Variants in RICTOR observed in about 807,000 individuals in gnomAD.
RICTOR encodes rapamycin-insensitive companion of mTOR.
Under a neutral mutation model 214.9 loss-of-function variants are expected in RICTOR, and 49 were observed. The observed-to-expected ratio is 0.23, with a 90% CI of 0.18 to 0.29. The LOEUF is 0.29. RICTOR is among the 10% of genes least tolerant of loss of function. RICTOR has a pLI of 1.00. For synonymous variants in RICTOR, 717 were observed against 711.3 expected (o/e 1.01, Z -0.13); for missense variants, 1,625 against 2,047.0 (o/e 0.79, Z 3.98).
intron 2 of RICTOR, among the ~76,000 whole-genome samples, chr5:39,053,338 C>T (rs1325351240): frequency 1.3e-5 from 2 of 152,160 alleles, no homozygotes. Flanking sequence ...ACTCTAGTGT[C>T]GGCCCTAGTG....
chr5:39,057,508 C>A (rs1298244269), intron 2 of RICTOR, among the ~76,000 whole-genome samples: 1 of 152,006 alleles, frequency 6.6e-6, no homozygotes, highest in Non-Finnish European at 1.5e-5. Flanking sequence ...CAGCTTTATT[C>A]TAAGGAAAGT....
At position 39,053,614 on chromosome 5, in the gene RICTOR, C is replaced by T. The variant is rs557535382; in HGVS notation, c.97+20497G>A. On this transcript the variant is annotated intron_variant, in intron 2 of 37. Transcript: ENST00000357387. ...AGAATTAGAAAGCAAGAATAAGGGT[C>T]GGGCGCGGTGGCTCACGCCTGTAAT... 4.9e-4 allele frequency among the ~76,000 whole-genome samples: 75 copies of T among 152,276 alleles called. 2 individuals carry two copies. The highest frequency in any genetic ancestry group is 3.5e-4 in the Non-Finnish European group (24 of 68,016).
chr5:39,057,847 A>G (rs1228270829), intron 2 of RICTOR, among the ~76,000 whole-genome samples: 1 of 152,142 alleles, frequency 6.6e-6, no homozygotes, highest in African/African-American at 2.4e-5. Context: ...AAAATTTAAT[A>G]CACTTCAAGT....
intron 2 of RICTOR, among the ~76,000 whole-genome samples, chr5:39,044,506 CAA>C (rs1308313950): frequency 6.6e-6 from 1 of 151,956 alleles, no homozygotes; most frequent in East Asian, 1.9e-4. Flanking sequence ...TGGACATACA[CAA>C]AAGAGGGAAT....
chr5:39,068,974 A>C (rs987179134), intron 2 of RICTOR, among the ~76,000 whole-genome samples: 1 of 152,236 alleles, frequency 6.6e-6, no homozygotes, highest in African/African-American at 2.4e-5. Context: ...TAGCCCTTTA[A>C]AATTTCAAAG....
chr5:39,032,118 A>G (rs1450803058), intron 2 of RICTOR, among the ~76,000 whole-genome samples: 1 of 152,202 alleles, frequency 6.6e-6, no homozygotes, highest in Non-Finnish European at 1.5e-5. Flanking sequence ...ATGCAGAGGA[A>G]GTCAAAATTT....
intron 2 of RICTOR, among the ~76,000 whole-genome samples, chr5:39,057,397 A>G (rs1324654444): frequency 6.6e-6 from 1 of 152,162 alleles, no homozygotes; most frequent in Non-Finnish European, 1.5e-5. Flanking sequence ...AAATTAATCC[A>G]TCACTCCATA....
Position 38,966,699 on chromosome 5 carries a change from TTTG to T in RICTOR, c.1238_1240del (p.Thr413del). On this transcript the variant is annotated inframe_deletion, in exon 15 of 38. Coordinates refer to ENST00000357387, the MANE Select transcript of RICTOR (RefSeq NM_152756.5). ...TCTAACTGAGATATGATCATCACTG[TTTG>T]TTATCACTTCAACTAGACCCTTTGA... 1 of 1,586,916 alleles carries T rather than the reference TTTG, an allele frequency of 6.3e-7. No homozygotes were observed. Among genetic ancestry groups the T allele is most frequent in the Non-Finnish European group, 8.6e-7 (1 of 1,157,974 alleles).
intron 2 of RICTOR, among the ~76,000 whole-genome samples, chr5:39,062,048 T>G (rs1162331081): frequency 2.6e-5 from 4 of 152,094 alleles, no homozygotes; most frequent in Non-Finnish European, 5.9e-5. Context: ...ATATAACATA[T>G]GAAATCTTAT....
At chr5:39,057,201 T>C (rs976650126) in intron 2 of RICTOR, among the ~76,000 whole-genome samples, 3 of 152,084 alleles carry the variant, frequency 2.0e-5, no homozygotes, top group African/African-American at 7.2e-5. Flanking sequence ...TAATAATATA[T>C]AGGATAAATT....
chr5:38,982,510 T>A (rs111637928), intron 7 of RICTOR, among the ~76,000 whole-genome samples: 1 of 152,192 alleles, frequency 6.6e-6, no homozygotes, highest in Non-Finnish European at 1.5e-5. Context: ...CGTGCATGTG[T>A]ACATATGTGT....
chr5:39,055,253 T>G (rs897724165), intron 2 of RICTOR, among the ~76,000 whole-genome samples: 8 of 152,222 alleles, frequency 5.3e-5, no homozygotes, highest in Non-Finnish European at 1.0e-4. Context: ...CCATACTCTC[T>G]CTCTCATTCA....
chr5:39,005,169 A>C (rs1022939043), intron 3 of RICTOR, among the ~76,000 whole-genome samples: 1 of 152,174 alleles, frequency 6.6e-6, no homozygotes, highest in African/African-American at 2.4e-5. Flanking sequence ...TTTCCTTTGT[A>C]GCTATCCTGC....
chr5:39,012,703 A>AT (rs1279488356), intron 3 of RICTOR, among the ~76,000 whole-genome samples: 1 of 152,188 alleles, frequency 6.6e-6, no homozygotes, highest in African/African-American at 2.4e-5. Context: ...AGAACAAATC[A>AT]TTGACTATGT....
chr5:38,942,774 C>A (rs2112783635), intron 37 of RICTOR, 59 bp downstream of exon 37: 9 of 1,359,098 alleles, frequency 6.6e-6, no homozygotes, highest in Middle Eastern at 2.0e-4. Context: ...TATTTTAATT[C>A]AATTCAAACA....
At chr5:39,001,345 C>A (rs1263616315) in intron 5 of RICTOR, among the ~76,000 whole-genome samples, 2 of 151,926 alleles carry the variant, frequency 1.3e-5, no homozygotes, top group Non-Finnish European at 2.9e-5. Flanking sequence ...AAAATATTTT[C>A]AATAAAAGGT....
chr5:39,027,075 T>C (rs1367953684), intron 2 of RICTOR, among the ~76,000 whole-genome samples: 2 of 152,102 alleles, frequency 1.3e-5, no homozygotes, highest in Non-Finnish European at 2.9e-5. Flanking sequence ...AAAAACAAAA[T>C]GCAGATTGAG....
At chr5:38,987,567 T>C (rs778625134) in intron 7 of RICTOR, among the ~76,000 whole-genome samples, 1 of 152,230 alleles carries the variant, frequency 6.6e-6, no homozygotes, top group Non-Finnish European at 1.5e-5. Flanking sequence ...ATCCCCTTTA[T>C]CATTTTTTAT....
chr5:38,980,388 G>A lies in RICTOR; in HGVS notation c.753+1479C>T, dbSNP rs551622272. On this transcript the variant is annotated intron_variant, in intron 8 of 37. Transcript: ENST00000357387. ...GCTTATTCTTTCCTCTGCTAGACAG[G>A]TAGATTAAGGGGACTGATCACCTTA... Among the ~76,000 whole-genome samples the A allele has an allele frequency of 3.9e-5, 6 of 152,240 alleles. No individual in the cohort carries two copies. In the East Asian group the frequency reaches 1.2e-3, roughly 29 times the overall value.
Sources: allele counts gnomAD v4.1 joint callset (sites outside exome capture counted in the v4.1 genomes callset), GRCh38; gene constraint gnomAD v4.1.1; transcripts MANE v1.5; gene names NCBI Gene and HGNC (gene_info 2026-07-23, HGNC 2026-07-21).